Variants in STRN3 observed in about 807,000 individuals in gnomAD.
STRN3 encodes the protein striatin-3.
In STRN3, 29 loss-of-function variants were observed where a neutral mutation model predicts 95.6. The observed-to-expected ratio is 0.30, with a 90% CI of 0.23 to 0.41. The LOEUF is 0.41. STRN3 is among the 10% of genes least tolerant of loss of function. The probability of loss-of-function intolerance (pLI) is 1.00; values close to 1 mark genes in which losing one functional copy is unlikely to be tolerated. For missense variants in STRN3, 890 were observed against 972.1 expected (o/e 0.92, Z 1.12); for synonymous variants, 331 against 357.6 (o/e 0.93, Z 0.84).
intron 5 of STRN3, among the ~76,000 whole-genome samples, chr14:30,943,100 A>AT (rs938167904): frequency 3.3e-5 from 5 of 152,150 alleles, no homozygotes; most frequent in Non-Finnish European, 5.9e-5. Flanking sequence ...ACTGCTTCTA[A>AT]TTTTTTCCTA....
At chr14:30,952,867 C>T (rs185762553) in intron 3 of STRN3, among the ~76,000 whole-genome samples, 2 of 152,098 alleles carry the variant, frequency 1.3e-5, no homozygotes, top group East Asian at 1.9e-4. Context: ...ACTAAAAAAA[C>T]AAGATATACG....
chr14:30,941,114 C>G (rs1566447606), intron 5 of STRN3, among the ~76,000 whole-genome samples: 1 of 152,170 alleles, frequency 6.6e-6, no homozygotes, highest in African/African-American at 2.4e-5. Context: ...CAGAACCCAA[C>G]CATGCTGACA....
rs79121339 is a variant in STRN3, at chr14:30,937,790, C to G, written c.717-1166G>C. On this transcript the variant is annotated intron_variant, in intron 5 of 17. Transcript: ENST00000357479. ...TTTTTAAATGTCTTTACTAAGAGTA[C>G]ATGGTAACAAAAAGAAAAATAATAT... 5.7e-3 allele frequency among the ~76,000 whole-genome samples: 863 copies of G among 152,222 alleles called. 9 individuals carry two copies. Among genetic ancestry groups the G allele is most frequent in the African/African-American group, 0.02 (815 of 41,536 alleles).
At position 30,916,930 on chromosome 14, in the gene STRN3, A is replaced by G. The variant is rs182853096; in HGVS notation, c.1240+2036T>C. Among the ~76,000 whole-genome samples, 289 of 152,346 alleles carry G rather than the reference A, an allele frequency of 1.9e-3. 2 individuals carry two copies. The highest frequency in any genetic ancestry group is 6.4e-3 in the African/African-American group (266 of 41,580). On this transcript the variant is annotated intron_variant, in intron 9 of 17. Coordinates refer to ENST00000357479, the MANE Select transcript of STRN3 (RefSeq NM_001083893.2). ...TTTTTCCCAAGAACTTAGTCCAGGT[A>G]ACAGATTCCATTTATACCAGTGGCA... is the stretch of plus-strand genomic sequence containing the variant.
At chr14:30,999,934 A>C (rs1392662499) in intron 1 of STRN3, among the ~76,000 whole-genome samples, 4 of 152,244 alleles carry the variant, frequency 2.6e-5, no homozygotes, top group African/African-American at 9.6e-5. Context: ...TCACATACTA[A>C]GGATCCTCCC....
At chr14:30,977,794 G>GGAAAAAAAAAAAAAAAAAAAAACAAAAAA (rs1566470814) in intron 1 of STRN3, among the ~76,000 whole-genome samples, 1 of 109,926 alleles carries the variant, frequency 9.1e-6, no homozygotes, top group Non-Finnish European at 1.7e-5. Flanking sequence ...ACTCTATCTC[G>GGAAAAAAAAAAAAAAAAAAAAACAAAAAA]AAAAAAAAAA....
intron 1 of STRN3, among the ~76,000 whole-genome samples, chr14:31,012,314 C>T (rs1883006233): frequency 6.6e-6 from 1 of 152,168 alleles, no homozygotes; most frequent in Non-Finnish European, 1.5e-5. Flanking sequence ...CCCCAGTTAA[C>T]AGCTTTCAAA....
chr14:30,945,087 G>A (rs1430378248), intron 5 of STRN3, among the ~76,000 whole-genome samples: 2 of 152,080 alleles, frequency 1.3e-5, no homozygotes, highest in East Asian at 1.9e-4. Flanking sequence ...TCAGGGTAAC[G>A]TCTCATGGTA....
At chr14:31,023,674 A>G (rs1443444540) in intron 1 of STRN3, among the ~76,000 whole-genome samples, 1 of 152,114 alleles carries the variant, frequency 6.6e-6, no homozygotes, top group East Asian at 1.9e-4. Flanking sequence ...TTACAGTAAA[A>G]ATCCACTGAT....
chr14:31,003,811 A>AC (rs1437180730), intron 1 of STRN3, among the ~76,000 whole-genome samples: 3 of 147,824 alleles, frequency 2.0e-5, no homozygotes, highest in African/African-American at 7.3e-5. Context: ...AAAAAAAAAA[A>AC]AAAAAACTTG....
chr14:31,018,635 A>G, intron 1 of STRN3: 1 of 494,488 alleles, frequency 2.0e-6, no homozygotes, highest in Non-Finnish European at 4.1e-6. Flanking sequence ...AGAAGAGTGC[A>G]AGAACTTTGC....
intron 1 of STRN3, among the ~76,000 whole-genome samples, chr14:31,020,636 C>T (rs1424142500): frequency 1.3e-5 from 2 of 152,130 alleles, no homozygotes; most frequent in Admixed American, 1.3e-4. Flanking sequence ...GGCATGATGG[C>T]TCATGCCTGT....
At chr14:30,941,169 T>C (rs1398596651) in intron 5 of STRN3, among the ~76,000 whole-genome samples, 1 of 152,118 alleles carries the variant, frequency 6.6e-6, no homozygotes, top group African/African-American at 2.4e-5. Flanking sequence ...GAGAAATAAA[T>C]TTCTATTGTT....
chr14:30,904,526 A>T (rs1896408947), intron 15 of STRN3, among the ~76,000 whole-genome samples: 1 of 152,234 alleles, frequency 6.6e-6, no homozygotes, highest in African/African-American at 2.4e-5. Context: ...CCAATCATTT[A>T]TCTTGCCTTT....
intron 7 of STRN3, among the ~76,000 whole-genome samples, chr14:30,929,972 A>AAAAAAAAAAAAAAC (rs1566441496): frequency 6.7e-6 from 1 of 149,500 alleles, no homozygotes; most frequent in Admixed American, 6.6e-5. Flanking sequence ...AAAAAAAAAA[A>AAAAAAAAAAAAAAC]AAAAAAACTC....
chr14:30,918,224 C>T (rs1317546929), intron 9 of STRN3, among the ~76,000 whole-genome samples: 4 of 151,924 alleles, frequency 2.6e-5, no homozygotes, highest in African/African-American at 9.7e-5. Context: ...TTTAATGTAA[C>T]AGATTGGGCA....
intron 1 of STRN3, among the ~76,000 whole-genome samples, chr14:31,007,363 AATTTAAAAACCCTAAC>A (rs1882766635): frequency 3.3e-5 from 5 of 152,186 alleles, no homozygotes; most frequent in African/African-American, 1.2e-4. Context: ...GGGAGTCTTT[AATTTAAAAACCCTAAC>A]AGTTGTAGAA....
intron 1 of STRN3, chr14:30,964,323 TGA>T (rs1880367656): frequency 6.6e-6 from 1 of 152,234 alleles, no homozygotes; most frequent in Admixed American, 6.5e-5. Flanking sequence ...TTGTTGCTCT[TGA>T]GAGATTCTTC....
intron 1 of STRN3, 198 bp downstream of exon 1, chr14:31,025,706 G>T: frequency 3.8e-6 from 3 of 794,934 alleles, no homozygotes; most frequent in Non-Finnish European, 5.7e-6. Context: ...AGTGAAGGTT[G>T]GGGAGCAAGC....
Sources: allele counts gnomAD v4.1 joint callset (sites outside exome capture counted in the v4.1 genomes callset), GRCh38; gene constraint gnomAD v4.1.1; transcripts MANE v1.5; gene names NCBI Gene and HGNC (gene_info 2026-07-23, HGNC 2026-07-21).